The following RP9 variants were observed in gnomAD, a reference collection of about 807,000 sequenced individuals.
RP9 encodes retinitis pigmentosa 9 protein.
RP9 carries 23 observed loss-of-function variants against 32.6 expected under a neutral mutation model. The observed-to-expected ratio is 0.71, with a 90% CI of 0.51 to 1.00. The LOEUF (loss-of-function observed/expected upper bound fraction) is 1.00, where lower values mean the gene tolerates loss of function less well. RP9 is among the 50% of genes least tolerant of loss of function. The pLI, the probability that RP9 is intolerant of heterozygous loss-of-function variation, is 0.00. For synonymous variants in RP9, 94 were observed against 103.6 expected (o/e 0.91, Z 0.56); for missense variants, 245 against 285.3 (o/e 0.86, Z 1.02).
intron 1 of RP9, among the ~76,000 whole-genome samples, chr7:33,107,712 T>C (rs1407127788): frequency 6.6e-6 from 1 of 152,194 alleles, no homozygotes; most frequent in Non-Finnish European, 1.5e-5. Flanking sequence ...GAAGGTTAAT[T>C]ATAAAAAGGA....
intron 1 of RP9, among the ~76,000 whole-genome samples, chr7:33,104,882 CA>C (rs1223320122): frequency 6.6e-6 from 1 of 152,128 alleles, no homozygotes; most frequent in East Asian, 1.9e-4. Flanking sequence ...TGCCCAGCCC[CA>C]AAATGATTTT....
chr7:33,108,860 G>C (rs527914721), intron 1 of RP9, among the ~76,000 whole-genome samples: 1 of 152,332 alleles, frequency 6.6e-6, no homozygotes, highest in South Asian at 2.1e-4. Context: ...ACTTAGAAGG[G>C]TAGAGGGAAA....
chr7:33,099,300 C>A lies in RP9; in HGVS notation c.313+7G>T. The A allele has an allele frequency of 6.2e-7, 1 of 1,612,770 alleles. No individual in the cohort carries two copies. Among genetic ancestry groups the A allele is most frequent in the Non-Finnish European group, 8.5e-7 (1 of 1,179,972 alleles). On this transcript the variant is annotated splice_region_variant and intron_variant, in intron 3 of 5. Coordinates refer to ENST00000297157, the MANE Select transcript of RP9 (RefSeq NM_203288.2). The stretch of plus-strand genomic sequence containing the variant: ...TGCATGGATTAGGGAAACTCTCCCA[C>A]ACTCACACTGCATAACTTTGACTTC...
intron 1 of RP9, among the ~76,000 whole-genome samples, chr7:33,102,825 A>G (rs1788447227): frequency 6.6e-6 from 1 of 152,222 alleles, no homozygotes; most frequent in Non-Finnish European, 1.5e-5. Flanking sequence ...TATGCCTGGC[A>G]GCCCAGGAGC....
chr7:33,104,827 T>C (rs1406285871), intron 1 of RP9, among the ~76,000 whole-genome samples: 5 of 152,180 alleles, frequency 3.3e-5, no homozygotes, highest in Admixed American at 3.3e-4. Flanking sequence ...ATGATTCTCC[T>C]GCCTTGGCCT....
Position 33,097,330 on chromosome 7 carries a change from C to T in RP9, c.346G>A (p.Gly116Ser). 1.2e-6 allele frequency: 2 copies of T among 1,613,996 alleles called. 1 individual carries two copies. Residue 116 changes from glycine (G) to serine (S), a missense_variant, in exon 4 of 6, where the codon GGT (glycine) becomes AGT (serine). Coordinates refer to ENST00000297157, the MANE Select transcript of RP9 (RefSeq NM_203288.2). The part of the protein sequence containing the change: ...WRCKRYGHRT[G>S]DKECPFFIKG... ...ATAAAGAAAGGGCATTCTTTGTCACCCGTTCGGTGACCATAGCGTTTGCAA... is the reference window on the plus strand; with the variant it reads ...ATAAAGAAAGGGCATTCTTTGTCACTCGTTCGGTGACCATAGCGTTTGCAA...
Position 33,095,606 on chromosome 7 carries a change from C to T in RP9, c.468-174G>A, listed in dbSNP as rs550028371. Among the ~76,000 whole-genome samples, 12 of 152,298 alleles carry T rather than the reference C, an allele frequency of 7.9e-5. No homozygotes were observed. The South Asian group carries it at 1.2e-3, about 16-fold the overall frequency. ...CTTCTCCACCTGAATGCCTACTTTA[C>T]GTGACTGAAACCAGTGTACAAGCCA... On this transcript the variant is annotated intron_variant, in intron 5 of 5. Coordinates refer to ENST00000297157, the MANE Select transcript of RP9 (RefSeq NM_203288.2).
At chr7:33,101,539 T>G (rs1435270906) in intron 1 of RP9, among the ~76,000 whole-genome samples, 1 of 151,532 alleles carries the variant, frequency 6.6e-6, no homozygotes, top group Non-Finnish European at 1.5e-5. Flanking sequence ...GAGGCAGAAG[T>G]TGCAGTGAGC....
At chr7:33,095,893 G>A (rs1788325535) in intron 5 of RP9, among the ~76,000 whole-genome samples, 1 of 151,950 alleles carries the variant, frequency 6.6e-6, no homozygotes, top group Non-Finnish European at 1.5e-5. Flanking sequence ...GTGCAGTGGT[G>A]CAATCATGGC....
At chr7:33,099,148 G>C (rs571799522) in intron 3 of RP9, 159 bp downstream of exon 3, 2 of 807,562 alleles carry the variant, frequency 2.5e-6, no homozygotes, top group East Asian at 2.6e-5. Flanking sequence ...ATGGCACGGT[G>C]GTGGGGGGTG....
intron 1 of RP9, among the ~76,000 whole-genome samples, chr7:33,102,851 A>T (rs1047672215): frequency 6.6e-6 from 1 of 152,168 alleles, no homozygotes; most frequent in African/African-American, 2.4e-5. Context: ...AGTGACAGAG[A>T]GTGTTGGAGC....
intron 3 of RP9, among the ~76,000 whole-genome samples, chr7:33,098,327 T>C (rs1292167192): frequency 6.6e-6 from 1 of 152,124 alleles, no homozygotes; most frequent in Non-Finnish European, 1.5e-5. Flanking sequence ...GAGGCTGCAG[T>C]AAGTTGTGAT....
At position 33,097,380 on chromosome 7, in the gene RP9, A is replaced by T; in HGVS notation, c.314-18T>A. On this transcript the variant is annotated intron_variant, in intron 3 of 5. Transcript: ENST00000297157. ...ACGCCAACCTAAAAACGAAAAGAGA[A>T]ATATTTCTGTAAGATAACAGTTTCA... The T allele has an allele frequency of 6.4e-7, 1 of 1,564,858 alleles. No homozygotes were observed. Among genetic ancestry groups the T allele is most frequent in the Non-Finnish European group, 8.8e-7 (1 of 1,135,436 alleles).
intron 1 of RP9, among the ~76,000 whole-genome samples, chr7:33,104,762 G>A (rs1788474930): frequency 6.6e-6 from 1 of 152,096 alleles, no homozygotes; most frequent in Non-Finnish European, 1.5e-5. Context: ...TAAATTTTTT[G>A]TAGAGACAGG....
intron 1 of RP9, among the ~76,000 whole-genome samples, chr7:33,104,994 C>T (rs145287418): frequency 1.3e-5 from 2 of 152,288 alleles, no homozygotes; most frequent in East Asian, 3.9e-4. Context: ...ACCTCCAATG[C>T]ACTCTTTCAT....
At chr7:33,100,190 G>C (rs573211107) in intron 2 of RP9, 7 of 379,234 alleles carry the variant, frequency 1.8e-5, no homozygotes, top group Non-Finnish European at 3.5e-5. Context: ...CTGAGCTCAA[G>C]AAACCAGCAG....
chr7:33,096,531 G>A lies in RP9; in HGVS notation c.429C>T (p.Asp143=). 1 of 1,611,088 alleles carries A rather than the reference G, an allele frequency of 6.2e-7. No individual in the cohort carries two copies. Among genetic ancestry groups the A allele is most frequent in the East Asian group, 2.2e-5 (1 of 44,746 alleles). ...FRVAHEDPMY[D]IIRDNKRHEK... is the part of the protein sequence containing the mutation. ...CATGTCGTTTATTGTCTCGTATGAT[G>A]TCATACATGGGATCTTCATGTGCCT... is the stretch of plus-strand genomic sequence containing the variant. The change falls in exon 5 of 6, where the codon GAC becomes GAT. Residue 143 remains aspartate (D), a synonymous_variant. Transcript: ENST00000297157.
intron 5 of RP9, 137 bp from the exon 6 acceptor site, chr7:33,095,569 T>G: frequency 1.4e-6 from 2 of 1,446,276 alleles, no homozygotes; most frequent in Non-Finnish European, 1.9e-6. Context: ...TATTTTTACC[T>G]GTTTTCTCAT....
At chr7:33,101,027 AG>A in intron 1 of RP9, 1 of 307,614 alleles carries the variant, frequency 3.3e-6, no homozygotes, top group Non-Finnish European at 6.4e-6. Flanking sequence ...TTTTTGAGAC[AG>A]GGTCTTGTCG....
Sources: allele counts gnomAD v4.1 joint callset (sites outside exome capture counted in the v4.1 genomes callset), GRCh38; gene constraint gnomAD v4.1.1; transcripts MANE v1.5; gene names NCBI Gene and HGNC (gene_info 2026-07-23, HGNC 2026-07-21).